The following GALNTL6 variants were observed in gnomAD, a reference collection of about 807,000 sequenced individuals.
GALNTL6 encodes the protein polypeptide N-acetylgalactosaminyltransferase-like 6.
In GALNTL6, 46 loss-of-function variants were observed where a neutral mutation model predicts 73.7. That is an observed-to-expected ratio of 0.62 (90% confidence interval 0.49 to 0.80). GALNTL6 has a LOEUF of 0.80. Among genes scored for constraint, GALNTL6 ranks in the 30% least tolerant of loss-of-function variants. The pLI, the probability that GALNTL6 is intolerant of heterozygous loss-of-function variation, is 0.00. For synonymous variants in GALNTL6, 259 were observed against 263.7 expected, an observed-to-expected ratio of 0.98 and a Z score of 0.17; for missense variants, 604 against 755.0, an observed-to-expected ratio of 0.80 and a Z score of 2.34.
intron 7 of GALNTL6, among the ~76,000 whole-genome samples, chr4:172,818,801 G>A (rs374302455): frequency 1.3e-5 from 2 of 152,182 alleles, no homozygotes; most frequent in Admixed American, 1.3e-4. Flanking sequence ...GTTTTGCCAT[G>A]TTGGTCAGGC....
chr4:172,887,281 G>A (rs1490387070), intron 8 of GALNTL6, among the ~76,000 whole-genome samples: 1 of 152,116 alleles, frequency 6.6e-6, no homozygotes, highest in Non-Finnish European at 1.5e-5. Flanking sequence ...CATGAATAGT[G>A]CTGCAATGAA....
intron 2 of GALNTL6, among the ~76,000 whole-genome samples, chr4:171,980,256 G>A (rs1190733940): frequency 6.6e-6 from 1 of 152,116 alleles, no homozygotes; most frequent in Admixed American, 6.5e-5. Context: ...CCCTGAACTG[G>A]TAGAATAACT....
chr4:172,343,037 A>G (rs957646652), intron 4 of GALNTL6, among the ~76,000 whole-genome samples: 13 of 152,212 alleles, frequency 8.5e-5, no homozygotes, highest in Admixed American at 5.9e-4. Flanking sequence ...TTGAACAGGT[A>G]AAGGAAGCAA....
At chr4:172,377,642 G>T (rs1299921096) in intron 5 of GALNTL6, among the ~76,000 whole-genome samples, 1 of 152,152 alleles carries the variant, frequency 6.6e-6, no homozygotes, top group Non-Finnish European at 1.5e-5. Flanking sequence ...TTGTGGGGGA[G>T]CTCGGTCATG....
intron 2 of GALNTL6, among the ~76,000 whole-genome samples, chr4:172,119,435 C>T (rs2110995043): frequency 6.6e-6 from 1 of 152,218 alleles, no homozygotes; most frequent in South Asian, 2.1e-4. Context: ...CACTCTAGTA[C>T]ATTCAGAAAC....
intron 2 of GALNTL6, among the ~76,000 whole-genome samples, chr4:172,060,583 G>T (rs1239008326): frequency 6.9e-6 from 1 of 145,332 alleles, no homozygotes; most frequent in Non-Finnish European, 1.5e-5. Context: ...AAAATATTTT[G>T]AAAAAAAAAC....
intron 10 of GALNTL6, among the ~76,000 whole-genome samples, chr4:173,008,822 C>T (rs924419374): frequency 3.9e-5 from 6 of 152,166 alleles, no homozygotes; most frequent in African/African-American, 1.4e-4. Flanking sequence ...AAGCAAAAAC[C>T]TTATGATTCT....
chr4:172,115,676 A>G (rs569022966), intron 2 of GALNTL6, among the ~76,000 whole-genome samples: 25 of 152,226 alleles, frequency 1.6e-4, no homozygotes, highest in African/African-American at 5.8e-4. Flanking sequence ...TAATTACGGG[A>G]ATGACATGGA....
chr4:172,074,393 C>A (rs1178820807), intron 2 of GALNTL6, among the ~76,000 whole-genome samples: 1 of 151,934 alleles, frequency 6.6e-6, no homozygotes, highest in Non-Finnish European at 1.5e-5. Flanking sequence ...GCAAAACAAA[C>A]AAAAAAACAA....
At chr4:172,829,387 C>A (rs967637992) in intron 7 of GALNTL6, among the ~76,000 whole-genome samples, 1 of 152,086 alleles carries the variant, frequency 6.6e-6, no homozygotes, top group Admixed American at 6.5e-5. Flanking sequence ...TTCTTTCTAC[C>A]CATCCTTTGG....
chr4:173,009,056 A>G, intron 10 of GALNTL6, 122 bp from the exon 11 acceptor site: 1 of 693,028 alleles, frequency 1.4e-6, no homozygotes, highest in Non-Finnish European at 2.6e-6. Flanking sequence ...TCAAGGTCTC[A>G]TTCAATATGC....
rs1394613651 is a variant in GALNTL6 at position 172,815,956 on chromosome 4, C to T, written c.923+2233C>T. On this transcript the variant is annotated intron_variant, in intron 7 of 12. Coordinates refer to ENST00000506823, the MANE Select transcript of GALNTL6 (RefSeq NM_001034845.3). The stretch of plus-strand genomic sequence containing the variant: ...GATAATAAAAGAATGGTTACCCAAG[C>T]AGCTCTGAGCAGCGTATCGGCAATT... Among the ~76,000 whole-genome samples the T allele has an allele frequency of 4.6e-5, 7 of 152,210 alleles. No individual in the cohort carries two copies. The East Asian group carries it at 1.2e-3, about 25-fold the overall frequency.
In GALNTL6 at chr4:171,955,764, C is replaced by G. The variant is rs2332433; in HGVS notation, c.138+141046C>G. On this transcript the variant is annotated intron_variant, in intron 2 of 12. Coordinates refer to ENST00000506823, the MANE Select transcript of GALNTL6 (RefSeq NM_001034845.3). Reference sequence around the variant, plus strand: ...ATCTACAAAAGGCTGTGTGTGTATACGTGTGTGTATATATATATATAAATG... The same window carrying G: ...ATCTACAAAAGGCTGTGTGTGTATAGGTGTGTGTATATATATATATAAATG... Among the ~76,000 whole-genome samples, 38 of 122,512 alleles carry G rather than the reference C, an allele frequency of 3.1e-4. 1 individual carries two copies. The highest frequency in any genetic ancestry group is 7.6e-4 in the African/African-American group (31 of 40,538). 80.4% of individuals were successfully genotyped at this position (122,512 alleles called of 152,430 possible).
chr4:172,354,456 G>A (rs1742079770), intron 5 of GALNTL6, among the ~76,000 whole-genome samples: 3 of 151,990 alleles, frequency 2.0e-5, no homozygotes, highest in Admixed American at 1.3e-4. Context: ...AAAGTTAAAT[G>A]TGCAGATTGT....
rs529760244 is a variant in GALNTL6, at chr4:171,829,443, G to A, written c.138+14725G>A. ...TGTTTTCTTTGATACAGCTTACCCC[G>A]AGTCTTCTTGATATGCACCCACATC... On this transcript the variant is annotated intron_variant, in intron 2 of 12. Coordinates refer to ENST00000506823, the MANE Select transcript of GALNTL6 (RefSeq NM_001034845.3). 4.6e-5 allele frequency among the ~76,000 whole-genome samples: 7 copies of A among 152,100 alleles called. No individual in the cohort carries two copies. In the South Asian group the frequency reaches 1.0e-3, roughly 23 times the overall value.
At chr4:172,503,549 T>TATATATA (rs1734340838) in intron 5 of GALNTL6, among the ~76,000 whole-genome samples, 1 of 48,466 alleles carries the variant, frequency 2.1e-5, no homozygotes, top group African/African-American at 3.8e-5. Flanking sequence ...TATATATATA[T>TATATATA]GTATTAGTTT....
intron 1 of GALNTL6, 91 bp from the exon 2 acceptor site, chr4:171,814,321 T>C (rs1392795212): frequency 9.2e-6 from 5 of 540,798 alleles, no homozygotes; most frequent in Non-Finnish European, 1.6e-5. Flanking sequence ...GCTTAATGAT[T>C]TCTTTAGTCA....
intron 5 of GALNTL6, among the ~76,000 whole-genome samples, chr4:172,492,166 C>G (rs1434383596): frequency 6.6e-6 from 1 of 151,310 alleles, no homozygotes; most frequent in Non-Finnish European, 1.5e-5. Context: ...ACTAACAAAC[C>G]CTTTTATCAA....
intron 5 of GALNTL6, among the ~76,000 whole-genome samples, chr4:172,499,410 G>A (rs747163581): frequency 1.3e-5 from 2 of 152,146 alleles, no homozygotes; most frequent in East Asian, 3.9e-4. Flanking sequence ...CAGCACCTTC[G>A]TCTTAGATTT....
Sources: gnomAD v4.1 joint callset for allele counts (sites outside exome capture counted in the v4.1 genomes callset) on GRCh38, gnomAD v4.1.1 for gene constraint, MANE v1.5 for transcripts, NCBI Gene and HGNC (gene_info 2026-07-23, HGNC 2026-07-21) for gene names.